Variants in NMT1 observed in about 807,000 individuals in gnomAD.
The protein encoded by NMT1 is glycylpeptide N-tetradecanoyltransferase 1.
Under a neutral mutation model 63.4 loss-of-function variants are expected in NMT1, and 12 were observed. The observed-to-expected ratio is 0.19, with a 90% CI of 0.12 to 0.31. The LOEUF is 0.31. NMT1 is among the 10% of genes least tolerant of loss of function. The probability of loss-of-function intolerance (pLI) is 1.00; values close to 1 mark genes in which losing one functional copy is unlikely to be tolerated. For missense variants in NMT1, 432 were observed against 634.6 expected (o/e 0.68, Z 3.43); for synonymous variants, 228 against 234.3 (o/e 0.97, Z 0.25).
At chr17:45,082,973 C>T (rs765052957) in intron 2 of NMT1, among the ~76,000 whole-genome samples, 30 of 151,938 alleles carry the variant, frequency 2.0e-4, no homozygotes, top group African/African-American at 5.3e-4. Flanking sequence ...GCTGAGATCA[C>T]GCCACTGCAC....
At chr17:45,100,102 G>A (rs998390469) in intron 8 of NMT1, among the ~76,000 whole-genome samples, 2 of 150,126 alleles carry the variant, frequency 1.3e-5, no homozygotes, top group Admixed American at 1.3e-4. Flanking sequence ...TTTTTTTTTT[G>A]TTTTGAGACA....
At chr17:45,066,097 G>A (rs1416138869) in intron 1 of NMT1, among the ~76,000 whole-genome samples, 1 of 151,872 alleles carries the variant, frequency 6.6e-6, no homozygotes, top group Non-Finnish European at 1.5e-5. Flanking sequence ...TCTGTTGCCC[G>A]GGCTGGAGTG....
intron 2 of NMT1, among the ~76,000 whole-genome samples, chr17:45,082,084 G>C (rs2054020512): frequency 6.6e-6 from 1 of 152,106 alleles, no homozygotes; most frequent in Non-Finnish European, 1.5e-5. Flanking sequence ...TCTGTCTTAA[G>C]TCCCCACCGC....
chr17:45,100,894 A>AAAG (rs1378388538), intron 8 of NMT1, among the ~76,000 whole-genome samples: 2 of 118,116 alleles, frequency 1.7e-5, no homozygotes, highest in South Asian at 5.5e-4. Context: ...AAAAAAAAAA[A>AAAG]AAGAAGGCCA....
Position 45,103,874 on chromosome 17 carries a change from A to G in NMT1, c.1330A>G (p.Met444Val). 6.2e-7 allele frequency: 1 copy of G among 1,613,848 alleles called. No individual in the cohort carries two copies. Among genetic ancestry groups the G allele is most frequent in the Non-Finnish European group, 8.5e-7 (1 of 1,180,012 alleles). The stretch of plus-strand genomic sequence containing the variant: ...GAGCGACGCCCTTGTCCTCGCCAAA[A>G]TGGTGAGGAGCAGACGGGGGGGTCT... ...LMSDALVLAK[M>V]KGFDVFNALD... Residue 444 changes from methionine to valine, a missense_variant and splice_region_variant, in exon 10 of 12, where the codon ATG becomes GTG. Transcript: ENST00000258960. This position sits in a 1 kb window ranked among gnomAD's most constrained non-coding sequence, Gnocchi z 4.8.
chr17:45,097,782 T>C (rs1211858186), intron 6 of NMT1, among the ~76,000 whole-genome samples: 3 of 152,166 alleles, frequency 2.0e-5, no homozygotes. Flanking sequence ...GTAGCTGGGA[T>C]TACAGGCATG....
chr17:45,062,568 T>G (rs1032030319), intron 1 of NMT1, among the ~76,000 whole-genome samples: 1 of 152,214 alleles, frequency 6.6e-6, no homozygotes, highest in Non-Finnish European at 1.5e-5. Context: ...ATATTTTTAT[T>G]GTATCCTTTC....
At chr17:45,065,809 A>G (rs572222533) in intron 1 of NMT1, among the ~76,000 whole-genome samples, 1 of 151,944 alleles carries the variant, frequency 6.6e-6, no homozygotes, top group South Asian at 2.1e-4. Flanking sequence ...TTTCAATGCT[A>G]GAGAGTCTAA....
At position 45,106,202 on chromosome 17, in the gene NMT1, A is replaced by T. The variant is rs2054201668; in HGVS notation, c.*563A>T. 6.6e-6 allele frequency: 1 copy of T among 152,542 alleles called. No homozygotes were observed. The highest frequency in any genetic ancestry group is 1.5e-5 in the Non-Finnish European group (1 of 68,012). The allele number at this position is 152,542 out of a possible 1,614,324, so 9.4% of individuals were successfully genotyped here. Reference sequence around the variant, plus strand: ...CAGCTCCCCTTCTGAATCAGCTGGGATGACTGGCTTTGAGAAGGAAGGGAA... The same window carrying T: ...CAGCTCCCCTTCTGAATCAGCTGGGTTGACTGGCTTTGAGAAGGAAGGGAA... On this transcript the variant is annotated 3_prime_UTR_variant, in exon 12 of 12. Transcript: ENST00000258960.
intron 3 of NMT1, among the ~76,000 whole-genome samples, chr17:45,092,839 C>T (rs2054098609): frequency 6.6e-6 from 1 of 152,122 alleles, no homozygotes; most frequent in Admixed American, 6.5e-5. Context: ...TGGGTTGGTC[C>T]CTTTTGAAGA....
chr17:45,102,541 G>A (rs980273375), intron 8 of NMT1, among the ~76,000 whole-genome samples: 20 of 152,252 alleles, frequency 1.3e-4, no homozygotes, highest in Non-Finnish European at 4.4e-5. Flanking sequence ...AGCAGTGAGT[G>A]TGGGATGGCA....
Position 45,070,839 on chromosome 17 carries a change from A to G in NMT1, c.131+9379A>G, listed in dbSNP as rs548902330. ...AGTGCTGGGATTACAGGCATGAGCC[A>G]CTGTGCCCAGCCCCAGGGTACCTTG... On this transcript the variant is annotated intron_variant, in intron 1 of 11. Coordinates refer to ENST00000258960, the MANE Select transcript of NMT1 (RefSeq NM_021079.5). 4.6e-5 allele frequency among the ~76,000 whole-genome samples: 7 copies of G among 152,258 alleles called. No homozygotes were observed. In the East Asian group the frequency reaches 1.4e-3, roughly 29 times the overall value.
chr17:45,086,712 C>G, intron 3 of NMT1, 60 bp downstream of exon 3: 1 of 1,516,062 alleles, frequency 6.6e-7, no homozygotes, highest in Non-Finnish European at 8.9e-7. Flanking sequence ...TCAGCTGTGC[C>G]TTCATGAGGG....
chr17:45,082,348 T>C (rs1321858608), intron 2 of NMT1, among the ~76,000 whole-genome samples: 1 of 151,900 alleles, frequency 6.6e-6, no homozygotes, highest in Non-Finnish European at 1.5e-5. Context: ...ACTCCTGGGC[T>C]CAAGCAATCC....
intron 1 of NMT1, 109 bp downstream of exon 1, chr17:45,061,569 T>C: frequency 1.1e-6 from 1 of 943,070 alleles, no homozygotes; most frequent in South Asian, 1.7e-5. Flanking sequence ...CATGTTCTTA[T>C]TGGCTAAGTC....
intron 6 of NMT1, among the ~76,000 whole-genome samples, chr17:45,097,929 C>T (rs1270374126): frequency 6.6e-6 from 1 of 152,214 alleles, no homozygotes; most frequent in Non-Finnish European, 1.5e-5. Flanking sequence ...CCTGTGATCT[C>T]TGCTCTTCAT....
At chr17:45,101,870 C>CT (rs1198109408) in intron 8 of NMT1, among the ~76,000 whole-genome samples, 2 of 152,184 alleles carry the variant, frequency 1.3e-5, no homozygotes, top group Admixed American at 1.3e-4. Context: ...AAAGCACAGG[C>CT]TTGGGGGACT....
Position 45,099,453 on chromosome 17 carries a change from C to T in NMT1, c.933C>T (p.Phe311=), listed in dbSNP as rs1166748067. ...LNPRKLIEVK[F]SHLSRNMTMQ... ...CACGGAAGCTGATTGAAGTGAAGTTCTCCCACCTGAGCAGAAATATGACCA... is the reference window on the plus strand; with the variant it reads ...CACGGAAGCTGATTGAAGTGAAGTTTTCCCACCTGAGCAGAAATATGACCA... The change falls in exon 8 of 12, where the codon TTC becomes TTT. Residue 311 remains phenylalanine (F), a synonymous_variant. Transcript: ENST00000258960. 3.1e-6 allele frequency: 5 copies of T among 1,614,164 alleles called. No homozygotes were observed. The highest frequency in any genetic ancestry group is 4.5e-5 in the East Asian group (2 of 44,890).
intron 1 of NMT1, among the ~76,000 whole-genome samples, chr17:45,069,056 G>C (rs1405402597): frequency 6.6e-6 from 1 of 151,848 alleles, no homozygotes; most frequent in African/African-American, 2.4e-5. Flanking sequence ...TGCCACCCAG[G>C]TTCAAGCGAC....
Sources: gnomAD v4.1 joint callset for allele counts (sites outside exome capture counted in the v4.1 genomes callset) on GRCh38, gnomAD v4.1.1 for gene constraint, Gnocchi (gnomAD v3.1) non-coding constraint, MANE v1.5 for transcripts, NCBI Gene and HGNC (gene_info 2026-07-23, HGNC 2026-07-21) for gene names.